Variants in LRRFIP2 observed in about 807,000 individuals in gnomAD.
The protein encoded by LRRFIP2 is LRR binding FLII interacting protein 2, also known as leucine-rich repeat flightless-interacting protein 2.
A neutral mutation model predicts 125.9 loss-of-function variants in LRRFIP2; 109 were observed. The observed-to-expected ratio is 0.87, with a 90% CI of 0.74 to 1.01. LRRFIP2 has a LOEUF of 1.01. Ranked by LOEUF, LRRFIP2 falls within the 50% of genes least tolerant of loss-of-function variation. LRRFIP2 has a pLI of 0.00. For synonymous variants in LRRFIP2, 291 were observed against 293.1 expected, an observed-to-expected ratio of 0.99 and a Z score of 0.07; for missense variants, 850 against 862.3, an observed-to-expected ratio of 0.99 and a Z score of 0.18.
chr3:37,174,080 G>T (rs1306308620), intron 1 of LRRFIP2: 1 of 152,096 alleles, frequency 6.6e-6, no homozygotes, highest in Non-Finnish European at 1.5e-5. Flanking sequence ...GGAACACTCT[G>T]AATATAATGG....
At chr3:37,165,623 G>C (rs952802962) in intron 1 of LRRFIP2, among the ~76,000 whole-genome samples, 3 of 151,622 alleles carry the variant, frequency 2.0e-5, no homozygotes, top group Non-Finnish European at 4.4e-5. Flanking sequence ...GTGGTGGCAG[G>C]TGCCTGTAAT....
intron 2 of LRRFIP2, chr3:37,143,525 T>C (rs1577395427): frequency 4.0e-6 from 1 of 251,516 alleles, no homozygotes; most frequent in Non-Finnish European, 8.6e-6. Flanking sequence ...GATGTAGTCA[T>C]CGACTTTATT....
intron 19 of LRRFIP2, among the ~76,000 whole-genome samples, chr3:37,081,810 C>CCTGG (rs1056040399): frequency 2.0e-5 from 3 of 151,222 alleles, no homozygotes; most frequent in Admixed American, 1.3e-4. Flanking sequence ...ATCACTTGAG[C>CCTGG]CTGGAGACAG....
chr3:37,136,029 A>G (rs2095547821), intron 2 of LRRFIP2, among the ~76,000 whole-genome samples: 1 of 152,240 alleles, frequency 6.6e-6, no homozygotes, highest in Admixed American at 6.5e-5. Flanking sequence ...AAAAGTAGAA[A>G]TAACCCAAAT....
chr3:37,081,360 T>C (rs1034746956), intron 19 of LRRFIP2, among the ~76,000 whole-genome samples: 3 of 152,350 alleles, frequency 2.0e-5, no homozygotes, highest in Admixed American at 2.0e-4. Context: ...TATTATGGAA[T>C]GGTCCTTCTC....
At chr3:37,088,525 C>T (rs966674628) in intron 18 of LRRFIP2, among the ~76,000 whole-genome samples, 5 of 148,294 alleles carry the variant, frequency 3.4e-5, no homozygotes, top group East Asian at 4.0e-4. Flanking sequence ...AAAAAAAAAG[C>T]GAAGGGGTCA....
At chr3:37,127,815 A>AT (rs2095323744) in intron 3 of LRRFIP2, 135 bp from the exon 4 acceptor site, 1 of 681,146 alleles carries the variant, frequency 1.5e-6, no homozygotes, top group Non-Finnish European at 2.6e-6. Flanking sequence ...AAATACAGAA[A>AT]ATTAGTAAGC....
chr3:37,090,957 C>A (rs1576405229), intron 18 of LRRFIP2, among the ~76,000 whole-genome samples: 1 of 152,210 alleles, frequency 6.6e-6, no homozygotes, highest in South Asian at 2.1e-4. Context: ...TTTCATTTAG[C>A]GTGGAAGAAA....
intron 15 of LRRFIP2, among the ~76,000 whole-genome samples, chr3:37,101,967 G>A (rs939006192): frequency 2.0e-5 from 3 of 152,146 alleles, no homozygotes; most frequent in African/African-American, 7.2e-5. Flanking sequence ...CACTTCTTCA[G>A]AACAATGCCA....
intron 15 of LRRFIP2, among the ~76,000 whole-genome samples, chr3:37,098,725 T>G (rs1419625017): frequency 6.6e-6 from 1 of 152,098 alleles, no homozygotes; most frequent in East Asian, 1.9e-4. Flanking sequence ...TATTGCCAAT[T>G]ATTGCCATAA....
intron 1 of LRRFIP2, among the ~76,000 whole-genome samples, chr3:37,154,038 G>A (rs1483605256): frequency 6.9e-6 from 1 of 144,366 alleles, no homozygotes; most frequent in Non-Finnish European, 1.5e-5. Flanking sequence ...ATCCAGACAT[G>A]TTGACGAACA....
At chr3:37,120,460 G>T (rs190965826) in intron 6 of LRRFIP2, among the ~76,000 whole-genome samples, 1 of 152,090 alleles carries the variant, frequency 6.6e-6, no homozygotes, top group Admixed American at 6.5e-5. Flanking sequence ...TTAGTAACCA[G>T]CTTAGTAACT....
chr3:37,055,284 G>C, intron 25 of LRRFIP2, 119 bp from the exon 26 acceptor site: 2 of 591,676 alleles, frequency 3.4e-6, no homozygotes, highest in East Asian at 6.3e-5. Flanking sequence ...AAAATACAGG[G>C]CTGGGCGCGG....
At chr3:37,078,635 A>G (rs1017771776) in intron 19 of LRRFIP2, among the ~76,000 whole-genome samples, 1 of 152,270 alleles carries the variant, frequency 6.6e-6, no homozygotes, top group Non-Finnish European at 1.5e-5. Context: ...CTTCACACAC[A>G]TATTTCCCAA....
intron 4 of LRRFIP2, 42 bp downstream of exon 4, chr3:37,127,588 A>G: frequency 6.3e-7 from 1 of 1,591,468 alleles, no homozygotes; most frequent in Admixed American, 1.7e-5. Flanking sequence ...GCATTATTTC[A>G]GCAATTGATC....
intron 26 of LRRFIP2, 61 bp from the exon 27 acceptor site, chr3:37,054,576 G>T: frequency 2.7e-6 from 3 of 1,100,100 alleles, no homozygotes; most frequent in Non-Finnish European, 4.1e-6. Flanking sequence ...CTTTTTGGTA[G>T]CCAGGATGGA....
chr3:37,168,387 T>A (rs1429157200), intron 1 of LRRFIP2, among the ~76,000 whole-genome samples: 1 of 152,216 alleles, frequency 6.6e-6, no homozygotes, highest in African/African-American at 2.4e-5. Flanking sequence ...CATGGATGAA[T>A]CTTGAAGACA....
At chr3:37,133,704 T>C (rs1232192966) in intron 2 of LRRFIP2, among the ~76,000 whole-genome samples, 1 of 152,060 alleles carries the variant, frequency 6.6e-6, no homozygotes, top group African/African-American at 2.4e-5. Flanking sequence ...GATGACAGAG[T>C]TCTTAAGGAT....
At chr3:37,054,953 T>C in intron 26 of LRRFIP2, 133 bp downstream of exon 26, 2 of 631,648 alleles carry the variant, frequency 3.2e-6, no homozygotes. Flanking sequence ...AAGTGCTCTC[T>C]GCTGGCTTTT....
Sources: gnomAD v4.1 joint callset for allele counts (sites outside exome capture counted in the v4.1 genomes callset) on GRCh38, gnomAD v4.1.1 for gene constraint, MANE v1.5 for transcripts, NCBI Gene and HGNC (gene_info 2026-07-23, HGNC 2026-07-21) for gene names.